Variants in DGLUCY observed in about 807,000 individuals in gnomAD.
DGLUCY encodes the protein D-glutamate cyclase, mitochondrial.
Under a neutral mutation model 58.5 loss-of-function variants are expected in DGLUCY, and 58 were observed. The ratio of observed to expected loss-of-function variants is 0.99; its 90% CI spans 0.80 to 1.23. The LOEUF (loss-of-function observed/expected upper bound fraction) is 1.23, where lower values mean the gene tolerates loss of function less well. Ranked by LOEUF, DGLUCY falls within the 50% of genes most tolerant of loss-of-function variation. DGLUCY has a pLI of 0.00. For missense variants in DGLUCY, 779 were observed against 784.7 expected (o/e 0.99, Z 0.09); for synonymous variants, 325 against 314.1 (o/e 1.03, Z -0.37).
intron 1 of DGLUCY, among the ~76,000 whole-genome samples, chr14:91,079,395 G>T (rs551880713): frequency 1.4e-5 from 2 of 143,414 alleles, no homozygotes; most frequent in African/African-American, 5.2e-5. Flanking sequence ...TTGCTCTGTC[G>T]CCAGGCTGGA....
chr14:91,205,797 C>CTTCTTCTTCTTCTTCTTCTTCTT (rs1884530763), intron 12 of DGLUCY, among the ~76,000 whole-genome samples: 4 of 66,338 alleles, frequency 6.0e-5, no homozygotes, highest in African/African-American at 1.7e-4. Flanking sequence ...TTCTTCTTCT[C>CTTCTTCTTCTTCTTCTTCTTCTT]CGTCTCCTTC....
chr14:91,074,791 G>T (rs2043991679), intron 1 of DGLUCY, among the ~76,000 whole-genome samples: 1 of 151,868 alleles, frequency 6.6e-6, no homozygotes, highest in South Asian at 2.1e-4. Flanking sequence ...TGCTCTTCTT[G>T]GCTGGACATG....
intron 4 of DGLUCY, among the ~76,000 whole-genome samples, chr14:91,169,438 A>C: frequency 2.1e-5 from 3 of 142,742 alleles, no homozygotes; most frequent in African/African-American, 5.2e-5. Context: ...AGGCAGTCTC[A>C]CTCTGTTGCC....
rs1187190275 is a variant in DGLUCY at position 91,130,305 on chromosome 14, C to CT, written c.-82+16037dup. Among the ~76,000 whole-genome samples, 1,109 of 137,172 alleles carry CT rather than the reference C, an allele frequency of 8.1e-3. 23 individuals are homozygous for CT. Among genetic ancestry groups the CT allele is most frequent in the African/African-American group, 0.021 (773 of 37,440 alleles). The allele number at this position is 137,172 out of a possible 152,430, so 90.0% of individuals were successfully genotyped here. ...CTTGAAGTGAAGAATCTTTTCTTTTCTTTTTTTTTTTTTTTAGACAGAGTC... is the reference window on the plus strand; with the variant it reads ...CTTGAAGTGAAGAATCTTTTCTTTTCTTTTTTTTTTTTTTTTAGACAGAGTC... On this transcript the variant is annotated intron_variant, in intron 1 of 13. Coordinates refer to ENST00000256324, the MANE Select transcript of DGLUCY (RefSeq NM_001102368.3).
intron 5 of DGLUCY, among the ~76,000 whole-genome samples, chr14:91,172,876 A>C (rs2140411926): frequency 6.6e-6 from 1 of 152,114 alleles, no homozygotes; most frequent in African/African-American, 2.4e-5. Flanking sequence ...CGAACTCCTG[A>C]CCTCGTGATC....
intron 7 of DGLUCY, among the ~76,000 whole-genome samples, chr14:91,178,291 G>A (rs1350871087): frequency 6.6e-6 from 1 of 151,936 alleles, no homozygotes; most frequent in Non-Finnish European, 1.5e-5. Flanking sequence ...TGAGCCTCTG[G>A]AGTAGCTGGA....
intron 8 of DGLUCY, among the ~76,000 whole-genome samples, chr14:91,186,737 T>C (rs193206319): frequency 6.6e-6 from 1 of 152,194 alleles, no homozygotes; most frequent in African/African-American, 2.4e-5. Flanking sequence ...AATGCACAAA[T>C]CTAAGACAGA....
intron 13 of DGLUCY, chr14:91,223,602 G>C: frequency 8.5e-7 from 1 of 1,181,488 alleles, no homozygotes; most frequent in Non-Finnish European, 1.1e-6. Context: ...TTGGGCAAGT[G>C]GTGCTTTGGG....
chr14:91,210,969 A>G (rs1885591806), intron 12 of DGLUCY, among the ~76,000 whole-genome samples: 2 of 152,236 alleles, frequency 1.3e-5, no homozygotes, highest in Non-Finnish European at 2.9e-5. Flanking sequence ...AAAATTCAAA[A>G]GAATCAACAA....
chr14:91,168,767 T>C (rs1256138988), intron 4 of DGLUCY, among the ~76,000 whole-genome samples: 1 of 152,200 alleles, frequency 6.6e-6, no homozygotes, highest in Middle Eastern at 3.2e-3. Flanking sequence ...AAGTCTCACC[T>C]ATCAATTAGG....
At chr14:91,176,894 G>T (rs991193671) in intron 7 of DGLUCY, among the ~76,000 whole-genome samples, 1 of 152,118 alleles carries the variant, frequency 6.6e-6, no homozygotes, top group Non-Finnish European at 1.5e-5. Context: ...GAGCCACCGT[G>T]TCCAGCCTCA....
chr14:91,099,267 T>G (rs1444906979), intron 1 of DGLUCY, among the ~76,000 whole-genome samples: 1 of 152,176 alleles, frequency 6.6e-6, no homozygotes, highest in Non-Finnish European at 1.5e-5. Flanking sequence ...GCACGGTGAC[T>G]CATGCCTATA....
intron 13 of DGLUCY, chr14:91,223,730 C>G: frequency 7.8e-7 from 1 of 1,284,146 alleles, no homozygotes; most frequent in Non-Finnish European, 1.0e-6. Context: ...CTAGCCCTGC[C>G]AATAAAATCA....
intron 1 of DGLUCY, among the ~76,000 whole-genome samples, chr14:91,101,814 C>G (rs899499211): frequency 1.3e-5 from 2 of 152,202 alleles, no homozygotes; most frequent in Non-Finnish European, 2.9e-5. Context: ...CCCATTTCAG[C>G]CTCTCAAGTG....
chr14:91,102,863 G>A (rs1031615256), intron 1 of DGLUCY, among the ~76,000 whole-genome samples: 1 of 151,198 alleles, frequency 6.6e-6, no homozygotes, highest in African/African-American at 2.4e-5. Context: ...CCAGGTACAA[G>A]CAATTCTCCT....
chr14:91,159,488 G>A (rs2140341182), intron 2 of DGLUCY, among the ~76,000 whole-genome samples: 1 of 152,230 alleles, frequency 6.6e-6, no homozygotes, highest in East Asian at 1.9e-4. Flanking sequence ...CAACTTACAG[G>A]ATTCCTTTCT....
At chr14:91,077,413 AAAG>A (rs890871503) in intron 1 of DGLUCY, among the ~76,000 whole-genome samples, 8 of 140,988 alleles carry the variant, frequency 5.7e-5, no homozygotes, top group East Asian at 2.0e-4. Context: ...GAAAAGAAAG[AAAG>A]AAGGAGGGAG....
At chr14:91,168,115 T>A (rs551981697) in intron 4 of DGLUCY, among the ~76,000 whole-genome samples, 55 of 151,626 alleles carry the variant, frequency 3.6e-4, no homozygotes, top group Admixed American at 1.8e-3. Flanking sequence ...ATTTTTTTTT[T>A]AAAAATTAAC....
At chr14:91,176,128 A>T (rs1364526168) in intron 7 of DGLUCY, 72 bp downstream of exon 7, 1 of 1,534,624 alleles carries the variant, frequency 6.5e-7, no homozygotes. Flanking sequence ...TCTTGAAAGC[A>T]TATTCTCGTA....
Sources: gnomAD v4.1 joint callset for allele counts (sites outside exome capture counted in the v4.1 genomes callset) on GRCh38, gnomAD v4.1.1 for gene constraint, MANE v1.5 for transcripts, NCBI Gene and HGNC (gene_info 2026-07-23, HGNC 2026-07-21) for gene names.